The following APCDD1 variants were observed in gnomAD, a reference collection of about 807,000 sequenced individuals.
The protein encoded by APCDD1 is APC down-regulated 1, also known as protein APCDD1.
Under a neutral mutation model 38.1 loss-of-function variants are expected in APCDD1, and 15 were observed. The ratio of observed to expected loss-of-function variants is 0.39; its 90% CI spans 0.26 to 0.61. The LOEUF (loss-of-function observed/expected upper bound fraction) is 0.61. Among genes scored for constraint, APCDD1 ranks in the 20% least tolerant of loss-of-function variants. The probability of loss-of-function intolerance (pLI) is 0.49; values close to 1 mark genes in which losing one functional copy is unlikely to be tolerated. For synonymous variants in APCDD1, 261 were observed against 279.7 expected (o/e 0.93, Z 0.67); for missense variants, 647 against 696.2 (o/e 0.93, Z 0.79).
intron 1 of APCDD1, among the ~76,000 whole-genome samples, chr18:10,460,833 T>TA (rs2030522476): frequency 6.6e-6 from 1 of 152,186 alleles, no homozygotes; most frequent in Non-Finnish European, 1.5e-5. Context: ...GAATGAGATC[T>TA]GCTGTGGATG....
chr18:10,483,604 G>A (rs1337369848), intron 3 of APCDD1, among the ~76,000 whole-genome samples: 1 of 152,172 alleles, frequency 6.6e-6, no homozygotes, highest in Non-Finnish European at 1.5e-5. Context: ...GTTGAGTGAG[G>A]GCTGTAAACC....
chr18:10,455,984 C>A (rs1206331725), intron 1 of APCDD1, among the ~76,000 whole-genome samples: 2 of 152,240 alleles, frequency 1.3e-5, no homozygotes, highest in Admixed American at 6.5e-5. Flanking sequence ...CCTTCCTCAA[C>A]ACCCACCACA....
intron 3 of APCDD1, chr18:10,474,341 G>C (rs1400041945): frequency 6.6e-6 from 1 of 152,254 alleles, no homozygotes; most frequent in Non-Finnish European, 1.5e-5. Flanking sequence ...GCAACCCGCC[G>C]TTCCCTCGGG....
rs919258797 is a variant in APCDD1 at position 10,472,497 on chromosome 18, G to A, written c.774+436G>A. On this transcript the variant is annotated intron_variant, in intron 3 of 4. Coordinates refer to ENST00000355285, the MANE Select transcript of APCDD1 (RefSeq NM_153000.5). This position sits in a 1 kb window ranked among gnomAD's most constrained non-coding sequence, Gnocchi z 6.6. ...GGAGGAGGCGGGGAGGGACAGAAAG[G>A]GGAGGTGACAGTGGGATTTGTGTGG... Among the ~76,000 whole-genome samples the A allele has an allele frequency of 6.6e-6, 1 of 152,190 alleles. No individual in the cohort carries two copies. Among genetic ancestry groups the A allele is most frequent in the Non-Finnish European group, 1.5e-5 (1 of 68,038 alleles).
chr18:10,485,679 A>G lies in APCDD1; in HGVS notation c.992A>G (p.Asp331Gly). ...GAGGGCCACTACTACCACTACTCAGACCCGGTGTGCAAGCACCCCACCTTC... is the reference window on the plus strand; with the variant it reads ...GAGGGCCACTACTACCACTACTCAGGCCCGGTGTGCAAGCACCCCACCTTC... ...TWEGHYYHYSDPVCKHPTFSI... is the reference protein window; with the variant it reads ...TWEGHYYHYSGPVCKHPTFSI... The change falls in exon 4 of 5, where the codon GAC becomes GGC. Residue 331 changes from aspartate (D) to glycine (G), a missense_variant. By Grantham distance (94) the Asp-to-Gly change is moderately conservative (BLOSUM62 -1). Transcript: ENST00000355285. The surrounding 1 kb of genome is among the most constrained non-coding windows in gnomAD (Gnocchi z 5.8). 1 of 1,613,980 alleles carries G rather than the reference A, an allele frequency of 6.2e-7. No homozygotes were observed. The highest frequency in any genetic ancestry group is 8.5e-7 in the Non-Finnish European group (1 of 1,180,008).
intron 1 of APCDD1, among the ~76,000 whole-genome samples, chr18:10,455,993 C>G (rs1194023636): frequency 6.6e-6 from 1 of 152,228 alleles, no homozygotes; most frequent in African/African-American, 2.4e-5. Context: ...ACACCCACCA[C>G]AGCCACCCCA....
chr18:10,454,973 G>A lies in APCDD1; in HGVS notation c.-9G>A, dbSNP rs774349561. The A allele has an allele frequency of 1.9e-5, 30 of 1,546,270 alleles. No individual in the cohort carries two copies. The African/African-American group carries it at 3.9e-4, about 20-fold the overall frequency. On this transcript the variant is annotated 5_prime_UTR_variant, in exon 1 of 5. Transcript: ENST00000355285. Reference sequence around the variant, plus strand: ...GCGGCGTGCGGGAGGCCCCAGAGCAGGACTGGAAATGTCCTGGCCGCGCCG... The same window carrying A: ...GCGGCGTGCGGGAGGCCCCAGAGCAAGACTGGAAATGTCCTGGCCGCGCCG...
At chr18:10,473,035 G>A (rs988961903) in intron 3 of APCDD1, among the ~76,000 whole-genome samples, 2 of 152,184 alleles carry the variant, frequency 1.3e-5, no homozygotes, top group Non-Finnish European at 2.9e-5. Context: ...CATTGACTTC[G>A]TGGAACACTC....
chr18:10,486,399 A>T (rs1568008676), intron 4 of APCDD1, among the ~76,000 whole-genome samples: 1 of 152,220 alleles, frequency 6.6e-6, no homozygotes, highest in African/African-American at 2.4e-5. Flanking sequence ...TGTGTTCTTT[A>T]TACACAACTC....
At position 10,488,113 on chromosome 18, in the gene APCDD1, C is replaced by G; in HGVS notation, c.*75C>G. The G allele has an allele frequency of 6.5e-7, 1 of 1,550,246 alleles. No homozygotes were observed. Among genetic ancestry groups the G allele is most frequent in the Non-Finnish European group, 8.8e-7 (1 of 1,138,692 alleles). ...AGATTTGCTTTACCAAAAGAAAAGA[C>G]ATTTATTCTTTTGATGCACTTGAAT... On this transcript the variant is annotated 3_prime_UTR_variant, in exon 5 of 5. Coordinates refer to ENST00000355285, the MANE Select transcript of APCDD1 (RefSeq NM_153000.5).
In APCDD1 at chr18:10,487,775, G is replaced by A; in HGVS notation, c.1282G>A (p.Glu428Lys). Residue 428 changes from glutamate (E) to lysine (K), a missense_variant, in exon 5 of 5, where the codon GAA (glutamate) becomes AAA (lysine). Glu to Lys is a moderately conservative substitution (Grantham distance 56). Coordinates refer to ENST00000355285, the MANE Select transcript of APCDD1 (RefSeq NM_153000.5). The part of the protein sequence containing the change: ...PHTEYEIFKM[E>K]QDARGRYLLF... ...CACGGAGTACGAGATCTTCAAAATGGAACAGGATGCCCGGGGGCGCTATCT... is the reference window on the plus strand; with the variant it reads ...CACGGAGTACGAGATCTTCAAAATGAAACAGGATGCCCGGGGGCGCTATCT... 6.2e-7 allele frequency: 1 copy of A among 1,614,174 alleles called. No individual in the cohort carries two copies. Among genetic ancestry groups the A allele is most frequent in the Non-Finnish European group, 8.5e-7 (1 of 1,180,048 alleles).
Position 10,489,792 on chromosome 18 carries a change from A to G in APCDD1, c.*1754A>G, listed in dbSNP as rs1477133233. On this transcript the variant is annotated 3_prime_UTR_variant, in exon 5 of 5. Transcript: ENST00000355285. ...ATAGAGTACCAAAGTGCTTCAGGTT[A>G]TATTTTAAGTTGTGGTGCAGACTGA... 2 of 152,204 alleles carry G rather than the reference A, an allele frequency of 1.3e-5. No individual in the cohort carries two copies. The highest frequency in any genetic ancestry group is 4.8e-5 in the African/African-American group (2 of 41,456). 9.4% of individuals were successfully genotyped at this position (152,204 alleles called of 1,614,324 possible).
intron 3 of APCDD1, chr18:10,477,324 G>C (rs1185847159): frequency 6.6e-6 from 1 of 152,194 alleles, no homozygotes; most frequent in African/African-American, 2.4e-5. Flanking sequence ...GGCAGCAAAT[G>C]TTGCACAATT....
rs747154797 is a variant in APCDD1 at position 10,467,466 on chromosome 18, G to A, written c.59-1003G>A. On this transcript the variant is annotated intron_variant, in intron 1 of 4. Coordinates refer to ENST00000355285, the MANE Select transcript of APCDD1 (RefSeq NM_153000.5). This position sits in a 1 kb window ranked among gnomAD's most constrained non-coding sequence, Gnocchi z 4.8. ...GCCTGTTGATTTGTTAATCACTTCAGGAGTGAATATCAGAGGAGACCGTGG... is the reference window on the plus strand; with the variant it reads ...GCCTGTTGATTTGTTAATCACTTCAAGAGTGAATATCAGAGGAGACCGTGG... Among the ~76,000 whole-genome samples the A allele has an allele frequency of 1.3e-5, 2 of 152,186 alleles. No homozygotes were observed. The highest frequency in any genetic ancestry group is 2.9e-5 in the Non-Finnish European group (2 of 68,034).
At chr18:10,479,504 G>T (rs1351304911) in intron 3 of APCDD1, among the ~76,000 whole-genome samples, 1 of 152,198 alleles carries the variant, frequency 6.6e-6, no homozygotes, top group Non-Finnish European at 1.5e-5. Flanking sequence ...AACAGAGAAA[G>T]CCTGGAGAAT....
In APCDD1 at chr18:10,489,031, G is replaced by C. The variant is rs1343045944; in HGVS notation, c.*993G>C. 6.6e-6 allele frequency: 1 copy of C among 152,252 alleles called. No individual in the cohort carries two copies. Among genetic ancestry groups the C allele is most frequent in the South Asian group, 2.1e-4 (1 of 4,834 alleles). The allele number at this position is 152,252 out of a possible 1,614,324, so 9.4% of individuals were successfully genotyped here. ...ATGAACATGCAGAGACAGAACTTCA[G>C]CTGCTCAGAGAGAGTGCAGTGGGCA... On this transcript the variant is annotated 3_prime_UTR_variant, in exon 5 of 5. Coordinates refer to ENST00000355285, the MANE Select transcript of APCDD1 (RefSeq NM_153000.5).
intron 4 of APCDD1, among the ~76,000 whole-genome samples, chr18:10,486,372 A>G (rs1028180842): frequency 4.6e-5 from 7 of 152,096 alleles, no homozygotes; most frequent in Non-Finnish European, 8.8e-5. Context: ...AAAAAAAGAA[A>G]TCTCAAGTCT....
rs910620516 is a variant in APCDD1, at chr18:10,472,633, C to G, written c.774+572C>G. ...GGGGTTATGGCTCCTGCCCAGGCCA[C>G]GCGGCTACTGAGTTTTCCTGCTGGA... On this transcript the variant is annotated intron_variant, in intron 3 of 4. Coordinates refer to ENST00000355285, the MANE Select transcript of APCDD1 (RefSeq NM_153000.5). This position sits in a 1 kb window ranked among gnomAD's most constrained non-coding sequence, Gnocchi z 6.6. Among the ~76,000 whole-genome samples, 1 of 152,094 alleles carries G rather than the reference C, an allele frequency of 6.6e-6. No homozygotes were observed. The highest frequency in any genetic ancestry group is 2.4e-5 in the African/African-American group (1 of 41,406).
At position 10,482,552 on chromosome 18, in the gene APCDD1, G is replaced by A. The variant is rs571585156; in HGVS notation, c.775-2910G>A. Among the ~76,000 whole-genome samples the A allele has an allele frequency of 1.4e-4, 22 of 152,346 alleles. No homozygotes were observed. In the South Asian group the frequency reaches 4.4e-3, roughly 30 times the overall value. On this transcript the variant is annotated intron_variant, in intron 3 of 4. Coordinates refer to ENST00000355285, the MANE Select transcript of APCDD1 (RefSeq NM_153000.5). ...ATTTCAGCATGTGCTGGGCTCACCTGTAGGTGGTGCTGAGCCAGGGGCCGG... is the reference window on the plus strand; with the variant it reads ...ATTTCAGCATGTGCTGGGCTCACCTATAGGTGGTGCTGAGCCAGGGGCCGG...
Sources: allele counts gnomAD v4.1 joint callset (sites outside exome capture counted in the v4.1 genomes callset), GRCh38; gene constraint gnomAD v4.1.1; non-coding constraint Gnocchi (gnomAD v3.1); transcripts MANE v1.5; gene names NCBI Gene and HGNC (gene_info 2026-07-23, HGNC 2026-07-21).